NLGN1: variants seen among roughly 807,000 people sequenced by gnomAD.
NLGN1 encodes neuroligin 1.
In NLGN1, 12 loss-of-function variants were observed where a neutral mutation model predicts 65.5. The ratio of observed to expected loss-of-function variants is 0.18; its 90% CI spans 0.12 to 0.30. The LOEUF is 0.30. Among genes scored for constraint, NLGN1 ranks in the 10% least tolerant of loss-of-function variants. NLGN1 has a pLI of 1.00. For missense variants in NLGN1, 750 were observed against 1,007.1 expected (o/e 0.74, Z 3.46); for synonymous variants, 350 against 359.5 (o/e 0.97, Z 0.30).
chr3:173,711,727 G>A lies in NLGN1; in HGVS notation c.494-95953G>A, dbSNP rs977931689. ...TGCACTGAGCATATTGGCTGCTTAT[G>A]CTTGTTACTGGAATCGATCTACTAT... On this transcript the variant is annotated intron_variant, in intron 3 of 6. Coordinates refer to ENST00000457714, the Ensembl canonical transcript of NLGN1. Among the ~76,000 whole-genome samples, 4 of 152,182 alleles carry A rather than the reference G, an allele frequency of 2.6e-5. No individual in the cohort carries two copies. In the East Asian group the frequency reaches 7.8e-4, roughly 29 times the overall value.
chr3:173,637,206 G>A (rs548576143), intron 3 of NLGN1, among the ~76,000 whole-genome samples: 1 of 152,166 alleles, frequency 6.6e-6, no homozygotes, highest in Non-Finnish European at 1.5e-5. Context: ...TCATTAAAGA[G>A]GCCTACTATG....
At chr3:173,480,495 A>G (rs1015291585) in intron 2 of NLGN1, among the ~76,000 whole-genome samples, 1 of 152,164 alleles carries the variant, frequency 6.6e-6, no homozygotes, top group Non-Finnish European at 1.5e-5. Flanking sequence ...GAGAATATAA[A>G]AAGAGGAATA....
intron 4 of NLGN1, among the ~76,000 whole-genome samples, chr3:174,242,155 TACTG>T (rs1743000825): frequency 6.6e-6 from 1 of 152,130 alleles, no homozygotes; most frequent in Non-Finnish European, 1.5e-5. Context: ...TTGATAATAA[TACTG>T]GCCTAGTAGA....
chr3:173,772,862 A>G (rs951216501), intron 3 of NLGN1, among the ~76,000 whole-genome samples: 2 of 152,024 alleles, frequency 1.3e-5, no homozygotes, highest in African/African-American at 2.4e-5. Flanking sequence ...TCCTAATTGC[A>G]GCTTCCTCTC....
chr3:174,262,536 C>T (rs2152861004), intron 4 of NLGN1, among the ~76,000 whole-genome samples: 1 of 137,936 alleles, frequency 7.2e-6, no homozygotes, highest in African/African-American at 2.7e-5. Context: ...GTGATATCCC[C>T]TTTATCATTT....
chr3:174,167,219 T>C (rs1160578313), intron 4 of NLGN1, among the ~76,000 whole-genome samples: 2 of 152,130 alleles, frequency 1.3e-5, no homozygotes, highest in Non-Finnish European at 2.9e-5. Context: ...TTTGATCCTA[T>C]TGTGAAGTTG....
intron 1 of NLGN1, among the ~76,000 whole-genome samples, chr3:173,408,639 G>T (rs563301980): frequency 1.3e-5 from 2 of 152,208 alleles, no homozygotes; most frequent in African/African-American, 4.8e-5. Flanking sequence ...TTGGCCGGGC[G>T]CAGTGGCTCA....
At chr3:173,411,470 C>T (rs139301118) in intron 1 of NLGN1, among the ~76,000 whole-genome samples, 6 of 151,998 alleles carry the variant, frequency 3.9e-5, no homozygotes, top group Non-Finnish European at 7.4e-5. Flanking sequence ...CTATGTAGGC[C>T]CCAGGTCAAG....
intron 4 of NLGN1, among the ~76,000 whole-genome samples, chr3:173,939,537 A>T (rs1348880711): frequency 6.6e-6 from 1 of 152,192 alleles, no homozygotes; most frequent in Non-Finnish European, 1.5e-5. Context: ...CCTGAGAGGA[A>T]ACTGAAAGAT....
At chr3:173,825,867 T>A (rs982306522) in intron 4 of NLGN1, among the ~76,000 whole-genome samples, 6 of 152,080 alleles carry the variant, frequency 3.9e-5, no homozygotes, top group African/African-American at 1.4e-4. Flanking sequence ...TTTGGTTTTT[T>A]TAAATAAGTC....
intron 3 of NLGN1, among the ~76,000 whole-genome samples, chr3:173,683,884 G>A (rs1430325305): frequency 6.6e-6 from 1 of 152,046 alleles, no homozygotes; most frequent in African/African-American, 2.4e-5. Flanking sequence ...CAGAGGGTGA[G>A]GCCAAGTCAC....
At chr3:173,952,417 C>T (rs898481217) in intron 4 of NLGN1, among the ~76,000 whole-genome samples, 1 of 152,064 alleles carries the variant, frequency 6.6e-6, no homozygotes, top group African/African-American at 2.4e-5. Context: ...TTTTTTTATT[C>T]CTGAATCTTG....
intron 2 of NLGN1, among the ~76,000 whole-genome samples, chr3:173,455,381 A>C (rs1279230494): frequency 6.6e-6 from 1 of 151,940 alleles, no homozygotes; most frequent in Non-Finnish European, 1.5e-5. Context: ...TGAGGGATCC[A>C]CCCCCATGAC....
intron 4 of NLGN1, among the ~76,000 whole-genome samples, chr3:173,830,072 T>C (rs1722230011): frequency 6.6e-6 from 1 of 152,072 alleles, no homozygotes; most frequent in Non-Finnish European, 1.5e-5. Context: ...TATGTTTTCA[T>C]CCATTTAAAT....
chr3:173,838,472 A>G (rs1724094233), intron 4 of NLGN1, among the ~76,000 whole-genome samples: 1 of 152,060 alleles, frequency 6.6e-6, no homozygotes, highest in South Asian at 2.1e-4. Context: ...ATCAAGAAAA[A>G]ATTTGTTTAG....
exon 3 of NLGN1, chr3:173,604,786 G>A (rs1295666174): frequency 2.5e-6 from 4 of 1,613,750 alleles, no homozygotes; most frequent in Non-Finnish European, 3.4e-6. Context: ...GGAAAGATAA[G>A]AGGGATTAAG....
At chr3:173,407,701 A>T (rs1284863989) in intron 1 of NLGN1, among the ~76,000 whole-genome samples, 1 of 152,230 alleles carries the variant, frequency 6.6e-6, no homozygotes, top group Non-Finnish European at 1.5e-5. Context: ...TAAGACAGGC[A>T]GCAGGGGCAG....
At chr3:173,774,280 G>A (rs1212784091) in intron 3 of NLGN1, among the ~76,000 whole-genome samples, 2 of 152,206 alleles carry the variant, frequency 1.3e-5, no homozygotes, top group Non-Finnish European at 2.9e-5. Flanking sequence ...CTTGGTAGTA[G>A]AGATGGAAAG....
intron 3 of NLGN1, among the ~76,000 whole-genome samples, chr3:173,740,554 A>T (rs1774485982): frequency 6.6e-6 from 1 of 152,088 alleles, no homozygotes; most frequent in Non-Finnish European, 1.5e-5. Flanking sequence ...GTTCCAAAGA[A>T]GTACTGATTA....
Sources: gnomAD v4.1 joint callset for allele counts (sites outside exome capture counted in the v4.1 genomes callset) on GRCh38, gnomAD v4.1.1 for gene constraint, MANE v1.5 for transcripts, NCBI Gene and HGNC (gene_info 2026-07-23, HGNC 2026-07-21) for gene names.